The following SORCS1 variants were observed in gnomAD, a reference collection of about 807,000 sequenced individuals.
SORCS1 encodes the protein VPS10 domain-containing receptor SorCS1.
A neutral mutation model predicts 146.1 loss-of-function variants in SORCS1; 60 were observed. The ratio of observed to expected loss-of-function variants is 0.41; its 90% confidence interval spans 0.33 to 0.51. The LOEUF is 0.51. Ranked by LOEUF, SORCS1 falls within the 20% of genes least tolerant of loss-of-function variation. The probability of loss-of-function intolerance (pLI) is 0.21; values close to 1 mark genes in which losing one functional copy is unlikely to be tolerated. For synonymous variants in SORCS1, 637 were observed against 584.0 expected (o/e 1.09, Z -1.31); for missense variants, 1,352 against 1,487.6 (o/e 0.91, Z 1.50).
At chr10:106,627,646 G>A (rs1848189412) in intron 19 of SORCS1, among the ~76,000 whole-genome samples, 1 of 152,294 alleles carries the variant, frequency 6.6e-6, no homozygotes, top group Non-Finnish European at 1.5e-5. Flanking sequence ...ACGAGTTAGG[G>A]ATGGCAGTTA....
At chr10:107,084,386 A>G (rs1775056501) in intron 1 of SORCS1, among the ~76,000 whole-genome samples, 1 of 151,726 alleles carries the variant, frequency 6.6e-6, no homozygotes, top group African/African-American at 2.4e-5. Flanking sequence ...TACCGGCATG[A>G]GCCGCCACAC....
chr10:106,929,514 T>C (rs1207398927), intron 2 of SORCS1, among the ~76,000 whole-genome samples: 1 of 152,198 alleles, frequency 6.6e-6, no homozygotes, highest in Admixed American at 6.5e-5. Flanking sequence ...CTTTTCTTTT[T>C]CCGTCTCTAA....
At chr10:107,011,730 T>C (rs1212193796) in intron 1 of SORCS1, among the ~76,000 whole-genome samples, 1 of 152,186 alleles carries the variant, frequency 6.6e-6, no homozygotes, top group Non-Finnish European at 1.5e-5. Context: ...CTCCTACTTA[T>C]TTTTAACCTC....
chr10:107,098,710 A>T (rs1964706788), intron 1 of SORCS1, among the ~76,000 whole-genome samples: 1 of 152,214 alleles, frequency 6.6e-6, no homozygotes, highest in African/African-American at 2.4e-5. Flanking sequence ...TTCCTTGAAG[A>T]TATTGCTCTA....
At chr10:106,577,596 G>A (rs1233911130) in intron 25 of SORCS1, 41 bp from the exon 26 acceptor site, 1 of 1,609,638 alleles carries the variant, frequency 6.2e-7, no homozygotes, top group Non-Finnish European at 8.5e-7. Context: ...TAATGACACT[G>A]GAAAGGGAAA....
intron 9 of SORCS1, among the ~76,000 whole-genome samples, chr10:106,694,909 T>C (rs974551965): frequency 6.6e-6 from 1 of 152,166 alleles, no homozygotes; most frequent in Admixed American, 6.5e-5. Flanking sequence ...AAAGTGCTCT[T>C]CATCATCATT....
At chr10:107,096,458 C>T (rs1170419531) in intron 1 of SORCS1, among the ~76,000 whole-genome samples, 1 of 152,176 alleles carries the variant, frequency 6.6e-6, no homozygotes, top group African/African-American at 2.4e-5. Context: ...AGCAAAACAA[C>T]TTACTATATC....
At chr10:107,178,977 C>A in the SORCS1 span, among the ~76,000 whole-genome samples, 1 of 152,124 alleles carries the variant, frequency 6.6e-6, no homozygotes, top group Admixed American at 6.5e-5. Context: ...TGAATAAAGA[C>A]TCAGTAGTGG....
At chr10:106,618,295 G>A in intron 20 of SORCS1, 23 bp from the exon 21 acceptor site, 1 of 1,612,104 alleles carries the variant, frequency 6.2e-7, no homozygotes, top group Non-Finnish European at 8.5e-7. Context: ...AGGGCCCAGA[G>A]TGAAGGGAAA....
intron 3 of SORCS1, among the ~76,000 whole-genome samples, chr10:106,827,000 T>C (rs1008097591): frequency 1.3e-5 from 2 of 152,154 alleles, no homozygotes; most frequent in African/African-American, 4.8e-5. Flanking sequence ...GCCTGATTCA[T>C]GGTATATTGA....
chr10:106,861,249 A>C (rs556389305), intron 2 of SORCS1, among the ~76,000 whole-genome samples: 28 of 152,080 alleles, frequency 1.8e-4, no homozygotes, highest in African/African-American at 6.7e-4. Flanking sequence ...ATACAAAAAA[A>C]ATTAGCCAGG....
At chr10:106,824,659 T>G (rs2136955624) in intron 3 of SORCS1, among the ~76,000 whole-genome samples, 1 of 150,946 alleles carries the variant, frequency 6.6e-6, no homozygotes, top group South Asian at 2.1e-4. Context: ...GAATTAAGCA[T>G]GCTCAGATAT....
At chr10:106,582,502 A>T (rs1246402699) in intron 24 of SORCS1, among the ~76,000 whole-genome samples, 1 of 152,152 alleles carries the variant, frequency 6.6e-6, no homozygotes, top group South Asian at 2.1e-4. Flanking sequence ...AAAGGGACCT[A>T]TTATTGCTCC....
chr10:106,698,247 A>C (rs1486619442), intron 9 of SORCS1, among the ~76,000 whole-genome samples: 1 of 152,232 alleles, frequency 6.6e-6, no homozygotes, highest in Non-Finnish European at 1.5e-5. Context: ...AAGTGAAATT[A>C]GTTTCTTTCA....
chr10:106,648,033 AT>A (rs111547010), intron 18 of SORCS1, among the ~76,000 whole-genome samples: 35,549 of 151,280 alleles, frequency 0.23, 5,103 homozygotes, highest in East Asian at 0.52. Context: ...ACGCCTGGCT[AT>A]TTTTTTTAAT....
At chr10:106,580,353 G>C (rs777030616) in intron 24 of SORCS1, among the ~76,000 whole-genome samples, 7 of 152,134 alleles carry the variant, frequency 4.6e-5, no homozygotes, top group Non-Finnish European at 1.0e-4. Flanking sequence ...CCATGAAAGA[G>C]TCTCCCTCCC....
intron 3 of SORCS1, among the ~76,000 whole-genome samples, chr10:106,810,198 G>A (rs1321547879): frequency 6.6e-6 from 1 of 152,060 alleles, no homozygotes; most frequent in Non-Finnish European, 1.5e-5. Flanking sequence ...TCCAGCCTGG[G>A]TGACACAGTG....
chr10:106,658,759 A>G (rs559046561), intron 17 of SORCS1, among the ~76,000 whole-genome samples: 1 of 152,218 alleles, frequency 6.6e-6, no homozygotes, highest in Non-Finnish European at 1.5e-5. Context: ...GTAACTATAG[A>G]TCTCTCACAT....
chr10:106,772,444 T>TAATCAATCAATC lies in SORCS1; in HGVS notation c.885+4078_885+4089dup, dbSNP rs531205148. On this transcript the variant is annotated intron_variant, in intron 4 of 25. Transcript: ENST00000263054. ...CCACAATTACATGAGTAAATTCCCA[T>TAATCAATCAATC]AATCAATCAATCAATCAATCAATCA... is the stretch of plus-strand genomic sequence containing the variant. Among the ~76,000 whole-genome samples the TAATCAATCAATC allele has an allele frequency of 5.0e-3, 761 of 151,710 alleles. 6 individuals are homozygous for TAATCAATCAATC. The highest frequency in any genetic ancestry group is 0.017 in the African/African-American group (722 of 41,274).
Sources: allele counts gnomAD v4.1 joint callset (sites outside exome capture counted in the v4.1 genomes callset), GRCh38; gene constraint gnomAD v4.1.1; transcripts MANE v1.5; gene names NCBI Gene and HGNC (gene_info 2026-07-23, HGNC 2026-07-21).